Variants in LAMC3 observed in about 807,000 individuals in gnomAD.
The protein encoded by LAMC3 is laminin subunit gamma-3.
LAMC3 carries 128 observed loss-of-function variants against 173.8 expected under a neutral mutation model. The observed-to-expected ratio is 0.74, with a 90% CI of 0.64 to 0.85. LAMC3 has a LOEUF of 0.85. Among genes scored for constraint, LAMC3 ranks in the 40% least tolerant of loss-of-function variants. The pLI, the probability that LAMC3 is intolerant of heterozygous loss-of-function variation, is 0.00. For synonymous variants in LAMC3, 897 were observed against 909.1 expected (o/e 0.99, Z 0.24); for missense variants, 2,022 against 2,156.0 (o/e 0.94, Z 1.23).
At chr9:131,068,350 C>T (rs1265751545) in intron 15 of LAMC3, 119 bp downstream of exon 15, 6 of 1,040,222 alleles carry the variant, frequency 5.8e-6, no homozygotes. Flanking sequence ...CTGCCAGGCA[C>T]ATTGTGCCCT....
At position 131,052,872 on chromosome 9, in the gene LAMC3, G is replaced by A. The variant is rs1834321884; in HGVS notation, c.1846G>A (p.Val616Met). The A allele has an allele frequency of 3.1e-6, 5 of 1,613,310 alleles. No individual in the cohort carries two copies. Among genetic ancestry groups the A allele is most frequent in the East Asian group, 2.2e-5 (1 of 44,856 alleles). ...RFHLQETSED[V>M]APPLPPFHFQ... ...CAGCCTGCAGGAGACCTCCGAGGAC[G>A]TGGCCCCTCCACTGCCCCCCTTCCA... Residue 616 changes from valine (V) to methionine (M), a missense_variant, in exon 11 of 28, where the codon GTG (valine) becomes ATG (methionine). Physicochemically the swap from Val to Met is conservative, Grantham distance 21. Transcript: ENST00000361069.
chr9:131,057,109 G>A lies in LAMC3; in HGVS notation c.2120G>A (p.Cys707Tyr), dbSNP rs1372053801. ...QGGPYASCVPCTCNQHGTCDP... is the reference protein window; with the variant it reads ...QGGPYASCVPYTCNQHGTCDP... ...GGTCCCTATGCCAGCTGTGTCCCCT[G>A]CACCTGTAACCAGCATGGCACCTGT... is the stretch of plus-strand genomic sequence containing the variant. The change falls in exon 12 of 28, where the codon TGC becomes TAC. Residue 707 changes from cysteine (C) to tyrosine (Y), a missense_variant. By Grantham distance (194) the Cys-to-Tyr change is radical. Transcript: ENST00000361069. 1 of 1,613,996 alleles carries A rather than the reference G, an allele frequency of 6.2e-7. No individual in the cohort carries two copies. The highest frequency in any genetic ancestry group is 1.3e-5 in the African/African-American group (1 of 74,932).
At chr9:131,034,816 C>A (rs1451429427) in intron 3 of LAMC3, among the ~76,000 whole-genome samples, 2 of 152,198 alleles carry the variant, frequency 1.3e-5, no homozygotes, top group Admixed American at 6.5e-5. Flanking sequence ...TCCCAGGGCA[C>A]CCCTGTTCCT....
In LAMC3 at chr9:131,071,605, A is replaced by C. The variant is rs767729142; in HGVS notation, c.3191A>C (p.Gln1064Pro). 3.8e-6 allele frequency: 6 copies of C among 1,596,494 alleles called. No homozygotes were observed. The highest frequency in any genetic ancestry group is 1.7e-4 in the Middle Eastern group (1 of 6,010). Residue 1064 changes from glutamine (Q) to proline (P), a missense_variant, in exon 18 of 28, where the codon CAG (glutamine) becomes CCG (proline). By Grantham distance (76) the Gln-to-Pro change is moderately conservative (BLOSUM62 -1). Coordinates refer to ENST00000361069, the MANE Select transcript of LAMC3 (RefSeq NM_006059.4). Reference sequence around the variant, plus strand: ...GAGGCCCCAAGGGGGGACGTCTACCAGGGCCATCACCTGCTTCCAGGTACA... The same window carrying C: ...GAGGCCCCAAGGGGGGACGTCTACCCGGGCCATCACCTGCTTCCAGGTACA... The part of the protein sequence containing the change: ...LGEAPRGDVY[Q>P]GHHLLPGARE...
At chr9:131,041,488 G>T in intron 6 of LAMC3, 149 bp from the exon 7 acceptor site, 2 of 721,026 alleles carry the variant, frequency 2.8e-6, no homozygotes, top group African/African-American at 1.7e-5. Flanking sequence ...CACTTCCTTG[G>T]CAAGATGGGA....
intron 2 of LAMC3, 36 bp from the exon 3 acceptor site, chr9:131,032,009 G>A (rs1397500554): frequency 6.2e-7 from 1 of 1,613,890 alleles, no homozygotes; most frequent in Non-Finnish European, 8.5e-7. Flanking sequence ...AAATACTCAG[G>A]AACCTGCTGA....
At chr9:131,039,383 T>C (rs1439564769) in intron 6 of LAMC3, 135 bp downstream of exon 6, 4 of 764,244 alleles carry the variant, frequency 5.2e-6, no homozygotes, top group African/African-American at 5.1e-5. Flanking sequence ...TGGTGAAGAC[T>C]AGAGACACTC....
At chr9:131,079,942 G>A (rs1012641894) in intron 23 of LAMC3, among the ~76,000 whole-genome samples, 1 of 152,166 alleles carries the variant, frequency 6.6e-6, no homozygotes, top group African/African-American at 2.4e-5. Flanking sequence ...CAGAGAAGCG[G>A]CCACTTTCCA....
Position 131,087,736 on chromosome 9 carries a change from G to A in LAMC3, c.4396G>A (p.Glu1466Lys), listed in dbSNP as rs199978510. The change falls in exon 27 of 28, where the codon GAG (glutamate) becomes AAG (lysine). Residue 1466 changes from glutamate to lysine, a missense_variant. Glu to Lys is a moderately conservative substitution (Grantham distance 56, BLOSUM62 1). Coordinates refer to ENST00000361069, the MANE Select transcript of LAMC3 (RefSeq NM_006059.4). ...EAERVGAGLS[E>K]MEQQIRESRI... ...CTGAAAGGTGGGTGCTGGGCTGAGC[G>A]AGATGGAGCAGCAGATCCGGGAATC... The A allele has an allele frequency of 7.7e-5, 125 of 1,614,168 alleles. No individual in the cohort carries two copies. In the East Asian group the frequency reaches 1.3e-3, roughly 17 times the overall value.
chr9:131,068,685 G>A (rs1467560995), intron 15 of LAMC3, among the ~76,000 whole-genome samples: 2 of 152,172 alleles, frequency 1.3e-5, no homozygotes, highest in African/African-American at 2.4e-5. Flanking sequence ...CCCGAGACAC[G>A]TTTGTCCCCA....
intron 1 of LAMC3, among the ~76,000 whole-genome samples, chr9:131,018,158 T>C (rs1189927007): frequency 6.7e-6 from 1 of 149,252 alleles, no homozygotes; most frequent in Admixed American, 6.7e-5. Flanking sequence ...TTTTCTTGAG[T>C]TGGAGTCTCA....
chr9:131,061,372 A>G (rs1485022885), intron 13 of LAMC3, 149 bp downstream of exon 13: 1 of 666,752 alleles, frequency 1.5e-6, no homozygotes, highest in Non-Finnish European at 2.5e-6. Flanking sequence ...ATGACCTCTG[A>G]GGACACGGAA....
At position 131,066,965 on chromosome 9, in the gene LAMC3, C is replaced by G; in HGVS notation, c.2353C>G (p.Arg785Gly). The G allele has an allele frequency of 6.2e-7, 1 of 1,613,738 alleles. No individual in the cohort carries two copies. Among genetic ancestry groups the G allele is most frequent in the Non-Finnish European group, 8.5e-7 (1 of 1,180,036 alleles). The change falls in exon 14 of 28, where the codon CGC (arginine) becomes GGC (glycine). Residue 785 changes from arginine to glycine, a missense_variant. Transcript: ENST00000361069. ...CGTGCTCCCTCTACACACAGGGCGG[C>G]GCTGTGAGGTCTGTGATGATGGCTT... is the stretch of plus-strand genomic sequence containing the variant. ...THCPPGQRGR[R>G]CEVCDDGFFG...
rs1384191103 is a variant in LAMC3, at chr9:131,045,554, C to T, written c.1413C>T (p.Pro471=). 6.2e-7 allele frequency: 1 copy of T among 1,614,012 alleles called. No homozygotes were observed. Among genetic ancestry groups the T allele is most frequent in the Admixed American group, 1.7e-5 (1 of 60,030 alleles). ...GCCCGGGGACCTTTAACCTGCAGCC[C>T]CACAATCCAGCTGGCTGCAGCAGCT... ...RCRPGTFNLQ[P]HNPAGCSSCF... Residue 471 remains proline, a synonymous_variant, in exon 8 of 28, where the codon CCC becomes CCT. Transcript: ENST00000361069.
At chr9:131,069,345 C>T (rs533094476) in intron 16 of LAMC3, among the ~76,000 whole-genome samples, 1 of 152,274 alleles carries the variant, frequency 6.6e-6, no homozygotes, top group South Asian at 2.1e-4. Flanking sequence ...GTCCCAGACG[C>T]GCTGTTAAGT....
chr9:131,013,911 A>G (rs1833471007), intron 1 of LAMC3, among the ~76,000 whole-genome samples: 1 of 152,190 alleles, frequency 6.6e-6, no homozygotes, highest in Non-Finnish European at 1.5e-5. Flanking sequence ...CTTCCTGTCG[A>G]GTGGGCGGCT....
Position 131,029,950 on chromosome 9 carries a change from T to TC in LAMC3, c.679-2095_679-2094insC, listed in dbSNP as rs1833795965. ...GGGATTGCCCTAAAATGACTTTTTT[T>TC]TTTTTTTTTTGAGACAGTTTCGCTC... On this transcript the variant is annotated intron_variant, in intron 2 of 27. Coordinates refer to ENST00000361069, the MANE Select transcript of LAMC3 (RefSeq NM_006059.4). The surrounding 1 kb of genome is among the most constrained non-coding windows in gnomAD (Gnocchi z 4.6). Among the ~76,000 whole-genome samples, 1 of 151,900 alleles carries TC rather than the reference T, an allele frequency of 6.6e-6. No individual in the cohort carries two copies. The highest frequency in any genetic ancestry group is 1.9e-4 in the East Asian group (1 of 5,182).
intron 1 of LAMC3, among the ~76,000 whole-genome samples, chr9:131,014,030 G>A (rs922758023): frequency 5.3e-5 from 8 of 152,222 alleles, no homozygotes; most frequent in African/African-American, 1.4e-4. Flanking sequence ...TCAAGGCAGC[G>A]GCTGGTTAGC....
chr9:131,092,008 A>G lies in LAMC3; in HGVS notation c.*221A>G. On this transcript the variant is annotated 3_prime_UTR_variant, in exon 28 of 28. Coordinates refer to ENST00000361069, the MANE Select transcript of LAMC3 (RefSeq NM_006059.4). ...CCAGTTCACCTGGACATGAGTGCACACTCTCACCCCTGCACATGCATAAAC... is the reference window on the plus strand; with the variant it reads ...CCAGTTCACCTGGACATGAGTGCACGCTCTCACCCCTGCACATGCATAAAC... 1.7e-6 allele frequency: 1 copy of G among 604,454 alleles called. No homozygotes were observed. The highest frequency in any genetic ancestry group is 2.9e-6 in the Non-Finnish European group (1 of 340,742). The allele number at this position is 604,454 out of a possible 1,614,324, so 37.4% of individuals were successfully genotyped here. A position where few individuals can be genotyped will look rare whatever the true frequency, so the allele number is the denominator to read the frequency against.
Sources: gnomAD v4.1 joint callset for allele counts (sites outside exome capture counted in the v4.1 genomes callset) on GRCh38, gnomAD v4.1.1 for gene constraint, Gnocchi (gnomAD v3.1) non-coding constraint, MANE v1.5 for transcripts, NCBI Gene and HGNC (gene_info 2026-07-23, HGNC 2026-07-21) for gene names.